The following URGCP variants were observed in gnomAD, a reference collection of about 807,000 sequenced individuals.
URGCP encodes up-regulator of cell proliferation.
A neutral mutation model predicts 24.6 loss-of-function variants in URGCP; 13 were observed. That is an observed-to-expected ratio of 0.53 (90% confidence interval 0.34 to 0.84). The LOEUF (loss-of-function observed/expected upper bound fraction) is 0.84. Ranked by LOEUF, URGCP falls within the 40% of genes least tolerant of loss-of-function variation. The pLI is 0.01. For synonymous variants in URGCP, 444 were observed against 487.2 expected (o/e 0.91, Z 1.17); for missense variants, 899 against 1,194.3 (o/e 0.75, Z 3.64).
chr7:43,883,963 A>G (rs2095858482), intron 3 of URGCP, among the ~76,000 whole-genome samples: 1 of 152,242 alleles, frequency 6.6e-6, no homozygotes, highest in Non-Finnish European at 1.5e-5. Context: ...CAAGGAACCC[A>G]AAATGCCCTG....
chr7:43,926,245 C>T (rs1385951820), exon 1 of URGCP: 1 of 194,552 alleles, frequency 5.1e-6, no homozygotes, highest in African/African-American at 2.3e-5. Context: ...CGCGCGTCTC[C>T]GTAAAGCCAA....
At position 43,878,049 on chromosome 7, in the gene URGCP, C is replaced by A. The variant is rs1189266497; in HGVS notation, c.1414G>T (p.Ala472Ser). ...VDEDCEECQK[A>S]KDRMERITRK... ...GTAATCCTCTCCATCCGGTCTTTCG[C>A]TTTCTGACACTCCTCACAGTCCTCG... Residue 472 changes from alanine (A) to serine (S), a missense_variant, in exon 6 of 6, where the codon GCG becomes TCG. Ala to Ser is a moderately conservative substitution (Grantham distance 99, BLOSUM62 1). Coordinates refer to ENST00000453200, the MANE Select transcript of URGCP (RefSeq NM_001077663.3). This position sits in a 1 kb window ranked among gnomAD's most constrained non-coding sequence, Gnocchi z 5.6. 6.2e-7 allele frequency: 1 copy of A among 1,614,116 alleles called. No individual in the cohort carries two copies. Among genetic ancestry groups the A allele is most frequent in the Non-Finnish European group, 8.5e-7 (1 of 1,180,056 alleles).
intron 1 of URGCP, among the ~76,000 whole-genome samples, chr7:43,921,030 A>T (rs1424327367): frequency 2.0e-5 from 3 of 152,154 alleles, no homozygotes; most frequent in Non-Finnish European, 4.4e-5. Context: ...GATGTCTGTA[A>T]AAAAGAGAGC....
intron 1 of URGCP, chr7:43,919,709 G>A (rs2095919925): frequency 7.3e-7 from 1 of 1,372,704 alleles, no homozygotes; most frequent in Non-Finnish European, 1.0e-6. Context: ...ACAAGAGCCT[G>A]CAGAGGATCC....
intron 1 of URGCP, among the ~76,000 whole-genome samples, chr7:43,911,747 C>T (rs749352097): frequency 6.6e-6 from 1 of 152,128 alleles, no homozygotes; most frequent in Non-Finnish European, 1.5e-5. Context: ...TACTGAACAA[C>T]AGCAAAATAC....
chr7:43,902,013 G>A (rs759977995), intron 1 of URGCP, among the ~76,000 whole-genome samples: 6 of 152,020 alleles, frequency 3.9e-5, no homozygotes, highest in Non-Finnish European at 8.8e-5. Context: ...AAGGAACAGT[G>A]GGCTGGGGAA....
At chr7:43,883,347 T>G (rs1383058476) in intron 3 of URGCP, among the ~76,000 whole-genome samples, 1 of 97,974 alleles carries the variant, frequency 1.0e-5, no homozygotes, top group South Asian at 2.9e-4. Context: ...CATATATATA[T>G]ATATATATAT....
chr7:43,878,812 C>G lies in URGCP; in HGVS notation c.651G>C (p.Leu217Phe). Residue 217 changes from leucine to phenylalanine, a missense_variant, in exon 6 of 6, where the codon TTG becomes TTC. By Grantham distance (22) the Leu-to-Phe change is conservative. Transcript: ENST00000453200. This position sits in a 1 kb window ranked among gnomAD's most constrained non-coding sequence, Gnocchi z 5.6. ...ALCQFALPLV[L>F]PDSENHYHTF... Reference sequence around the variant, plus strand: ...TATGGTAGTGGTTCTCCGAGTCAGGCAACACGAGTGGGAGTGCAAACTGGC... The same window carrying G: ...TATGGTAGTGGTTCTCCGAGTCAGGGAACACGAGTGGGAGTGCAAACTGGC... The G allele has an allele frequency of 6.2e-7, 1 of 1,614,082 alleles. No individual in the cohort carries two copies. Among genetic ancestry groups the G allele is most frequent in the Middle Eastern group, 1.6e-4 (1 of 6,062 alleles).
upstream of URGCP, chr7:43,910,857 TAAAA>T (rs1028784052): frequency 6.6e-6 from 1 of 151,552 alleles, no homozygotes; most frequent in Non-Finnish European, 1.5e-5. Context: ...CTCTTTCTCA[TAAAA>T]ATAAATAAAT....
chr7:43,910,917 A>G (rs1244145376), upstream of URGCP: 1 of 152,212 alleles, frequency 6.6e-6, no homozygotes, highest in South Asian at 2.1e-4. Context: ...CTAAGAAGAC[A>G]TAACAATGAT....
intron 3 of URGCP, among the ~76,000 whole-genome samples, 159 bp downstream of exon 3, chr7:43,887,256 T>C (rs931419657): frequency 6.6e-6 from 1 of 152,200 alleles, no homozygotes; most frequent in African/African-American, 2.4e-5. Flanking sequence ...GACCCTTAGA[T>C]GGAATCTTCT....
chr7:43,901,760 C>T (rs968521650), intron 1 of URGCP, among the ~76,000 whole-genome samples: 5 of 152,162 alleles, frequency 3.3e-5, no homozygotes, highest in African/African-American at 1.2e-4. Context: ...CAGACCAGGC[C>T]GGGCCTCCAG....
At chr7:43,888,951 A>C (rs1319681113) in intron 1 of URGCP, 1 of 152,232 alleles carries the variant, frequency 6.6e-6, no homozygotes, top group Non-Finnish European at 1.5e-5. Context: ...TGAGCATCTT[A>C]TTTCAGAAAG....
At chr7:43,916,708 CCCA>C (rs969721697) in intron 1 of URGCP, among the ~76,000 whole-genome samples, 8 of 20,496 alleles carry the variant, frequency 3.9e-4, no homozygotes, top group African/African-American at 1.5e-3. Context: ...CCACTCCCTA[CCCA>C]CCCCCCCCCC....
intron 1 of URGCP, among the ~76,000 whole-genome samples, chr7:43,900,274 G>A (rs1405226137): frequency 6.6e-6 from 1 of 151,546 alleles, no homozygotes; most frequent in African/African-American, 2.4e-5. Context: ...GGGCAACATT[G>A]TGAAACCCCA....
intron 1 of URGCP, among the ~76,000 whole-genome samples, chr7:43,892,219 ATTTTTTTT>A (rs34553486): frequency 8.0e-6 from 1 of 125,366 alleles, no homozygotes; most frequent in African/African-American, 3.1e-5. Flanking sequence ...CGCCCAGCCA[ATTTTTTTT>A]TTTTTTTTTT....
In URGCP at chr7:43,922,187, G is replaced by A. The variant is rs183534374; in HGVS notation, c.-116+3945C>T. ...TCAAGCGATTCTGCCTCAGCCTCCC[G>A]AATACCTGGGATTACAGGTGTGCAC... On this transcript the variant is annotated intron_variant, in intron 1 of 5. Transcript: ENST00000426198. 2.8e-4 allele frequency among the ~76,000 whole-genome samples: 42 copies of A among 152,164 alleles called. No individual in the cohort carries two copies. The South Asian group carries it at 4.6e-3, about 17-fold the overall frequency.
At chr7:43,881,795 C>T in intron 4 of URGCP, 98 bp from the exon 5 acceptor site, 1 of 1,607,472 alleles carries the variant, frequency 6.2e-7, no homozygotes, top group Non-Finnish European at 8.5e-7. Flanking sequence ...TTCTTTCTCA[C>T]CAAGATGGCA....
In URGCP at chr7:43,879,090, G is replaced by A; in HGVS notation, c.373C>T (p.Leu125Phe). Reference sequence around the variant, plus strand: ...GTGGTATTCCTGGCATCAGCATTGAGGGCCTGCAACTTCCTGAGGAAATTC... The same window carrying A: ...GTGGTATTCCTGGCATCAGCATTGAAGGCCTGCAACTTCCTGAGGAAATTC... Reference protein sequence around the residue: ...PWNFLRKLQALNADARNTTMV... With the variant: ...PWNFLRKLQAFNADARNTTMV... Residue 125 changes from leucine to phenylalanine, a missense_variant, in exon 6 of 6, where the codon CTC becomes TTC. Coordinates refer to ENST00000453200, the MANE Select transcript of URGCP (RefSeq NM_001077663.3). The A allele has an allele frequency of 6.2e-7, 1 of 1,614,208 alleles. No homozygotes were observed. Among genetic ancestry groups the A allele is most frequent in the Non-Finnish European group, 8.5e-7 (1 of 1,180,042 alleles).
Sources: allele counts gnomAD v4.1 joint callset (sites outside exome capture counted in the v4.1 genomes callset), GRCh38; gene constraint gnomAD v4.1.1; non-coding constraint Gnocchi (gnomAD v3.1); transcripts MANE v1.5; gene names NCBI Gene and HGNC (gene_info 2026-07-23, HGNC 2026-07-21).